Variants in TTLL9 observed in about 807,000 individuals in gnomAD.
TTLL9 encodes the protein probable tubulin polyglutamylase TTLL9.
In TTLL9, 47 loss-of-function variants were observed where a neutral mutation model predicts 65.6. The observed-to-expected ratio is 0.72, with a 90% CI of 0.57 to 0.91. The LOEUF (loss-of-function observed/expected upper bound fraction) is 0.91. Ranked by LOEUF, TTLL9 falls within the 40% of genes least tolerant of loss-of-function variation. The pLI is 0.00. For synonymous variants in TTLL9, 179 were observed against 204.8 expected, an observed-to-expected ratio of 0.87 and a Z score of 1.07; for missense variants, 537 against 568.8, an observed-to-expected ratio of 0.94 and a Z score of 0.57.
chr20:31,874,691 T>G (rs1033593299), intron 2 of TTLL9, among the ~76,000 whole-genome samples: 1 of 152,166 alleles, frequency 6.6e-6, no homozygotes, highest in Non-Finnish European at 1.5e-5. Flanking sequence ...ATTACAGGCG[T>G]GAGCCACCGC....
chr20:31,895,548 A>C (rs1029693478), intron 3 of TTLL9, among the ~76,000 whole-genome samples: 2 of 151,776 alleles, frequency 1.3e-5, no homozygotes, highest in Non-Finnish European at 2.9e-5. Flanking sequence ...TTTACTTTTT[A>C]TTTTTTGAGA....
chr20:31,879,837 G>T (rs986611638), intron 2 of TTLL9: 80 of 1,549,684 alleles, frequency 5.2e-5, no homozygotes, highest in Non-Finnish European at 6.7e-5. Flanking sequence ...ATAAGCACGC[G>T]AGGCGCGCGG....
chr20:31,927,230 C>T (rs2063921248), intron 10 of TTLL9, among the ~76,000 whole-genome samples: 1 of 151,838 alleles, frequency 6.6e-6, no homozygotes, highest in Admixed American at 6.6e-5. Context: ...ACCTGTAATC[C>T]CAGCACTTTG....
At chr20:31,883,568 C>T (rs1600523718) in intron 2 of TTLL9, among the ~76,000 whole-genome samples, 1 of 152,144 alleles carries the variant, frequency 6.6e-6, no homozygotes, top group African/African-American at 2.4e-5. Flanking sequence ...ATAAAGTTTA[C>T]TGTTCTTGGG....
At chr20:31,898,981 G>T (rs905814844) in intron 4 of TTLL9, among the ~76,000 whole-genome samples, 1 of 152,200 alleles carries the variant, frequency 6.6e-6, no homozygotes, top group African/African-American at 2.4e-5. Context: ...TGTGACTTTG[G>T]CCTGTAAGCC....
chr20:31,897,662 T>C (rs1433727319), intron 3 of TTLL9, among the ~76,000 whole-genome samples: 1 of 152,134 alleles, frequency 6.6e-6, no homozygotes, highest in Non-Finnish European at 1.5e-5. Flanking sequence ...CATTACCGCC[T>C]GGCAGGGATG....
At chr20:31,928,832 T>C (rs1311742215) in intron 10 of TTLL9, among the ~76,000 whole-genome samples, 1 of 152,238 alleles carries the variant, frequency 6.6e-6, no homozygotes, top group African/African-American at 2.4e-5. Flanking sequence ...AGAATGTTTA[T>C]GTTTAAGAAA....
intron 6 of TTLL9, among the ~76,000 whole-genome samples, chr20:31,916,660 G>T (rs532075592): frequency 6.6e-6 from 1 of 152,332 alleles, no homozygotes; most frequent in Admixed American, 6.5e-5. Context: ...TCTGCATCCT[G>T]TGTGCTGGCT....
chr20:31,919,990 G>A, intron 7 of TTLL9, 58 bp downstream of exon 7: 1 of 1,416,878 alleles, frequency 7.1e-7, no homozygotes, highest in Non-Finnish European at 9.5e-7. Flanking sequence ...GCCAGCAGGA[G>A]GGGCCACTCC....
intron 9 of TTLL9, among the ~76,000 whole-genome samples, chr20:31,925,645 C>T (rs562244523): frequency 6.6e-6 from 1 of 152,294 alleles, no homozygotes; most frequent in South Asian, 2.1e-4. Flanking sequence ...CCCTGTTCTC[C>T]TGGACTTCAC....
rs1194444597 is a variant in TTLL9 at position 31,943,490 on chromosome 20, T to C, written c.*469T>C. 3.1e-6 allele frequency: 1 copy of C among 325,188 alleles called. No homozygotes were observed. Among genetic ancestry groups the C allele is most frequent in the Non-Finnish European group, 6.1e-6 (1 of 163,704 alleles). The allele number at this position is 325,188 out of a possible 1,614,324, so 20.1% of individuals were successfully genotyped here. A position where few individuals can be genotyped will look rare whatever the true frequency, so the allele number is the denominator to read the frequency against. ...CCTTCAGGAGCAAGAGTTTGGAGGCTAAGGAACTCGTCTTTAAGCTGTGCT... is the reference window on the plus strand; with the variant it reads ...CCTTCAGGAGCAAGAGTTTGGAGGCCAAGGAACTCGTCTTTAAGCTGTGCT... On this transcript the variant is annotated 3_prime_UTR_variant, in exon 15 of 15. Transcript: ENST00000535842.
intron 6 of TTLL9, among the ~76,000 whole-genome samples, chr20:31,911,403 G>A (rs934121147): frequency 1.3e-5 from 2 of 152,196 alleles, no homozygotes; most frequent in Middle Eastern, 3.2e-3. Context: ...CTGTGGAGCT[G>A]AAGACTGGTG....
At chr20:31,925,530 G>C (rs1210136748) in intron 9 of TTLL9, among the ~76,000 whole-genome samples, 1 of 152,104 alleles carries the variant, frequency 6.6e-6, no homozygotes, top group Non-Finnish European at 1.5e-5. Flanking sequence ...TTTTAACCAG[G>C]GAGTGGCTAT....
Position 31,939,267 on chromosome 20 carries a change from G to A in TTLL9, c.1243+1G>A, listed in dbSNP as rs2064168191. The A allele has an allele frequency of 1.2e-6, 2 of 1,613,342 alleles. No homozygotes were observed. Among genetic ancestry groups the A allele is most frequent in the South Asian group, 2.2e-5 (2 of 91,044 alleles). The stretch of plus-strand genomic sequence containing the variant: ...AACTTTGTGACCAACACACATCTCG[G>A]TATGTAGGGCCAGGTGGGGAGTGGG... On this transcript the variant is annotated splice_donor_variant, in intron 14 of 14. Coordinates refer to ENST00000535842, the MANE Select transcript of TTLL9 (RefSeq NM_001008409.5). LOFTEE classifies it high-confidence loss of function.
intron 14 of TTLL9, among the ~76,000 whole-genome samples, chr20:31,941,901 GAGTT>G (rs1176787044): frequency 6.6e-6 from 1 of 152,240 alleles, no homozygotes; most frequent in Non-Finnish European, 1.5e-5. Flanking sequence ...CTGATGAACT[GAGTT>G]AGGGAAGCGT....
At chr20:31,938,009 G>C (rs1453561207) in intron 13 of TTLL9, 7 of 361,560 alleles carry the variant, frequency 1.9e-5, no homozygotes, top group Non-Finnish European at 3.3e-5. Flanking sequence ...CTCAATGTTG[G>C]CTGGTCTATT....
chr20:31,908,489 T>C, intron 4 of TTLL9, 102 bp from the exon 5 acceptor site: 1 of 744,202 alleles, frequency 1.3e-6, no homozygotes, highest in South Asian at 1.6e-5. Context: ...GACACAGTGC[T>C]GTGTACCCTT....
chr20:31,887,263 C>T, intron 3 of TTLL9, 24 bp downstream of exon 3: 1 of 1,614,016 alleles, frequency 6.2e-7, no homozygotes, highest in Non-Finnish European at 8.5e-7. Flanking sequence ...TCCAATCCAA[C>T]AATCACAGCG....
chr20:31,875,814 G>C (rs1306652511), intron 2 of TTLL9, among the ~76,000 whole-genome samples: 2 of 152,080 alleles, frequency 1.3e-5, no homozygotes, highest in Non-Finnish European at 1.5e-5. Context: ...ACTTGAAGTA[G>C]TTAAGTTCCC....
Sources: gnomAD v4.1 joint callset for allele counts (sites outside exome capture counted in the v4.1 genomes callset) on GRCh38, gnomAD v4.1.1 for gene constraint, MANE v1.5 for transcripts, NCBI Gene and HGNC (gene_info 2026-07-23, HGNC 2026-07-21) for gene names.